PAM: variants seen among roughly 807,000 people sequenced by gnomAD.
PAM encodes the protein peptidyl-glycine alpha-amidating monooxygenase.
PAM carries 72 observed loss-of-function variants against 122.1 expected under a neutral mutation model. The observed-to-expected ratio is 0.59, with a 90% confidence interval of 0.49 to 0.72. The LOEUF is 0.72. Ranked by LOEUF, PAM falls within the 30% of genes least tolerant of loss-of-function variation. The pLI is 0.00. For missense variants in PAM, 1,106 were observed against 1,183.7 expected (o/e 0.93, Z 0.96); for synonymous variants, 389 against 404.4 (o/e 0.96, Z 0.46).
chr5:103,024,325 T>C (rs753789487), intron 23 of PAM, among the ~76,000 whole-genome samples: 1 of 152,168 alleles, frequency 6.6e-6, no homozygotes. Context: ...ATTGCATCAA[T>C]TTCCCAAACA....
intron 1 of PAM, among the ~76,000 whole-genome samples, chr5:102,852,737 T>C (rs1781635399): frequency 6.6e-6 from 1 of 152,126 alleles, no homozygotes; most frequent in South Asian, 2.1e-4. Flanking sequence ...AGGAACTACC[T>C]CCCAGCAAGA....
chr5:103,013,242 T>C (rs964080114), intron 21 of PAM, among the ~76,000 whole-genome samples: 3 of 152,210 alleles, frequency 2.0e-5, no homozygotes, highest in African/African-American at 7.2e-5. Context: ...CTTCAGTTTT[T>C]TTCATCAGCA....
intron 3 of PAM, 98 bp from the exon 4 acceptor site, chr5:102,901,258 A>T (rs2151408015): frequency 1.5e-6 from 1 of 688,050 alleles, no homozygotes; most frequent in Non-Finnish European, 2.6e-6. Context: ...ACCCTCACTG[A>T]CTACTTTTTA....
rs761873430 is a variant in PAM, at chr5:103,029,011, A to G, written c.2868A>G (p.Glu956=). ...SDQEKEDDGS[E]SEEEYSAPLP... is the part of the protein sequence containing the mutation. ...AAGAGAAAGAGGATGATGGAAGTGA[A>G]TCAGAAGAGGAGTATTCAGCACCTC... The change falls in exon 26 of 26, where the codon GAA becomes GAG. Residue 956 remains glutamate (E), a synonymous_variant. Coordinates refer to ENST00000438793, the MANE Select transcript of PAM (RefSeq NM_001177306.2). 4 of 1,613,958 alleles carry G rather than the reference A, an allele frequency of 2.5e-6. No homozygotes were observed. The highest frequency in any genetic ancestry group is 1.7e-5 in the Admixed American group (1 of 60,012).
At chr5:103,000,614 G>T (rs896312547) in intron 16 of PAM, among the ~76,000 whole-genome samples, 4 of 152,148 alleles carry the variant, frequency 2.6e-5, no homozygotes, top group Non-Finnish European at 2.9e-5. Flanking sequence ...ATAAAGGAAA[G>T]AAGTTTAATT....
chr5:102,776,517 G>T (rs1757219548), intron 1 of PAM, among the ~76,000 whole-genome samples: 1 of 152,088 alleles, frequency 6.6e-6, no homozygotes, highest in Non-Finnish European at 1.5e-5. Flanking sequence ...TTTATATAAG[G>T]TGTGAGGAAG....
intron 15 of PAM, chr5:102,974,706 G>A (rs1482000768): frequency 3.4e-6 from 1 of 293,422 alleles, no homozygotes; most frequent in Non-Finnish European, 6.3e-6. Context: ...ATCATTTGGG[G>A]AAAGGAGGCA....
At chr5:102,835,476 A>T (rs1776758821) in intron 1 of PAM, among the ~76,000 whole-genome samples, 2 of 152,096 alleles carry the variant, frequency 1.3e-5, no homozygotes, top group Non-Finnish European at 1.5e-5. Context: ...AAACAGGAAC[A>T]TTTTCTCCTT....
intron 7 of PAM, among the ~76,000 whole-genome samples, chr5:102,931,439 C>T (rs1751476950): frequency 1.3e-5 from 2 of 152,158 alleles, no homozygotes; most frequent in South Asian, 4.2e-4. Flanking sequence ...CTTTTTTTGA[C>T]CAGTTTTTTC....
intron 7 of PAM, among the ~76,000 whole-genome samples, chr5:102,939,666 A>C (rs1754448989): frequency 6.6e-6 from 1 of 152,130 alleles, no homozygotes. Context: ...ACATTACTAC[A>C]TAAACATATT....
chr5:102,888,742 T>A (rs1657417765), intron 3 of PAM, among the ~76,000 whole-genome samples: 1 of 152,000 alleles, frequency 6.6e-6, no homozygotes, highest in South Asian at 2.1e-4. Flanking sequence ...ATGTCTCTTT[T>A]CTGAGCCTCT....
intron 4 of PAM, among the ~76,000 whole-genome samples, chr5:102,904,823 C>G (rs1799049835): frequency 6.6e-6 from 1 of 151,644 alleles, no homozygotes; most frequent in Non-Finnish European, 1.5e-5. Flanking sequence ...GAATAACTCA[C>G]TATTTTGGCT....
intron 1 of PAM, among the ~76,000 whole-genome samples, chr5:102,801,598 C>T (rs1016645930): frequency 1.3e-5 from 2 of 152,138 alleles, no homozygotes; most frequent in East Asian, 1.9e-4. Flanking sequence ...AGCGTTATAA[C>T]CCACATCCTG....
At chr5:102,909,692 AATT>A in intron 4 of PAM, among the ~76,000 whole-genome samples, 1 of 152,048 alleles carries the variant, frequency 6.6e-6, no homozygotes, top group Non-Finnish European at 1.5e-5. Context: ...CATAGGTAAT[AATT>A]TAAAGTCCAG....
intron 3 of PAM, chr5:102,895,780 C>T (rs747955512): frequency 1.3e-5 from 2 of 151,600 alleles, no homozygotes; most frequent in Non-Finnish European, 3.0e-5. Context: ...CATTGAGGAG[C>T]CTTTGCTGTT....
chr5:102,761,252 T>C (rs1239613291), intron 1 of PAM, among the ~76,000 whole-genome samples: 4 of 152,068 alleles, frequency 2.6e-5, no homozygotes, highest in Admixed American at 2.6e-4. Context: ...TACTTTAAAG[T>C]ACAACTTTAA....
intron 1 of PAM, among the ~76,000 whole-genome samples, chr5:102,817,135 G>C (rs1253140559): frequency 6.6e-6 from 1 of 151,884 alleles, no homozygotes; most frequent in African/African-American, 2.4e-5. Context: ...CTCATTTACT[G>C]TGAACATGTT....
intron 1 of PAM, among the ~76,000 whole-genome samples, chr5:102,829,374 T>G (rs6596526): frequency 0.66 from 97,086 of 147,232 alleles, 32,157 homozygotes; most frequent in South Asian, 0.79. Context: ...TTTTTTTTTT[T>G]TTTTTTTTTT....
chr5:102,947,774 G>C (rs1451490310), intron 8 of PAM, among the ~76,000 whole-genome samples: 1 of 152,136 alleles, frequency 6.6e-6, no homozygotes, highest in Non-Finnish European at 1.5e-5. Flanking sequence ...GTCACAGCTA[G>C]GAATCATGAG....
Sources: allele counts gnomAD v4.1 joint callset (sites outside exome capture counted in the v4.1 genomes callset), GRCh38; gene constraint gnomAD v4.1.1; transcripts MANE v1.5; gene names NCBI Gene and HGNC (gene_info 2026-07-23, HGNC 2026-07-21).